AK4: variants seen among roughly 807,000 people sequenced by gnomAD.
AK4 encodes adenylate kinase 4.
A neutral mutation model predicts 24.6 loss-of-function variants in AK4; 13 were observed. The ratio of observed to expected loss-of-function variants is 0.53; its 90% CI spans 0.34 to 0.84. AK4 has a LOEUF of 0.84. Ranked by LOEUF, AK4 falls within the 40% of genes least tolerant of loss-of-function variation. The pLI is 0.01. For synonymous variants in AK4, 88 were observed against 107.0 expected (o/e 0.82, Z 1.10); for missense variants, 192 against 288.2 (o/e 0.67, Z 2.42).
intron 2 of AK4, among the ~76,000 whole-genome samples, chr1:65,195,306 G>A (rs948380601): frequency 6.6e-6 from 1 of 152,070 alleles, no homozygotes; most frequent in African/African-American, 2.4e-5. Flanking sequence ...CCTTTAAATT[G>A]GCAATTAAAT....
chr1:65,194,180 G>C (rs1425101006), intron 2 of AK4, among the ~76,000 whole-genome samples: 1 of 152,190 alleles, frequency 6.6e-6, no homozygotes, highest in Non-Finnish European at 1.5e-5. Context: ...TTGTCTCTTT[G>C]CTCTCACATT....
At chr1:65,207,158 G>A (rs545822861) in intron 2 of AK4, among the ~76,000 whole-genome samples, 11 of 152,258 alleles carry the variant, frequency 7.2e-5, no homozygotes, top group African/African-American at 2.4e-4. Flanking sequence ...AGTAGTGATT[G>A]TAGCATATCT....
At position 65,228,588 on chromosome 1, in the gene AK4, G is replaced by A. The variant is rs1240724692; in HGVS notation, c.*2411G>A. The A allele has an allele frequency of 6.6e-6, 1 of 151,984 alleles. No homozygotes were observed. The highest frequency in any genetic ancestry group is 2.1e-4 in the South Asian group (1 of 4,822). 9.4% of individuals were successfully genotyped at this position (151,984 alleles called of 1,614,324 possible). On this transcript the variant is annotated 3_prime_UTR_variant, in exon 5 of 5. Coordinates refer to ENST00000327299, the MANE Select transcript of AK4 (RefSeq NM_013410.4). ...CATAATGCTTATTTCGTGGTCAATG[G>A]CTTTAAAAAAATCTGTTTCTTGTTT... is the stretch of plus-strand genomic sequence containing the variant.
intron 1 of AK4, among the ~76,000 whole-genome samples, chr1:65,166,314 G>GTGTGTA (rs1455240090): frequency 1.0e-5 from 1 of 98,668 alleles, no homozygotes; most frequent in Non-Finnish European, 1.9e-5. Context: ...TTTAAGCTGT[G>GTGTGTA]TGTGTGTGTG....
Position 65,228,650 on chromosome 1 carries a change from T to C in AK4, c.*2473T>C, listed in dbSNP as rs1186522185. 2.6e-5 allele frequency: 4 copies of C among 152,336 alleles called. No homozygotes were observed. The South Asian group carries it at 6.2e-4, about 24-fold the overall frequency. The allele number at this position is 152,336 out of a possible 1,614,324, so 9.4% of individuals were successfully genotyped here. On this transcript the variant is annotated 3_prime_UTR_variant, in exon 5 of 5. Coordinates refer to ENST00000327299, the MANE Select transcript of AK4 (RefSeq NM_013410.4). ...CTCACTAGTTTTCCCTTAAATGATA[T>C]TGTAAAAATTAAAGTAATCTTGAAA...
At chr1:65,156,748 C>G (rs1484098238) in intron 1 of AK4, among the ~76,000 whole-genome samples, 1 of 151,440 alleles carries the variant, frequency 6.6e-6, no homozygotes, top group Non-Finnish European at 1.5e-5. Flanking sequence ...ATGGTGAAAC[C>G]CCGTCTCTAC....
chr1:65,218,306 G>A (rs1323558673), intron 2 of AK4, among the ~76,000 whole-genome samples: 2 of 152,200 alleles, frequency 1.3e-5, no homozygotes, highest in Non-Finnish European at 2.9e-5. Context: ...GGAAATGGAG[G>A]TGATGTAACT....
intron 2 of AK4, among the ~76,000 whole-genome samples, chr1:65,217,184 G>A (rs116010062): frequency 4.4e-4 from 67 of 152,300 alleles, no homozygotes; most frequent in African/African-American, 1.4e-3. Context: ...AAGCAGTGGC[G>A]TGGGTGGATT....
intron 3 of AK4, among the ~76,000 whole-genome samples, chr1:65,222,150 T>C (rs59590825): frequency 0.28 from 42,342 of 151,932 alleles, 6,751 homozygotes; most frequent in East Asian, 0.69. Flanking sequence ...TCAGGCATGA[T>C]GTTTACACAG....
intron 1 of AK4, among the ~76,000 whole-genome samples, chr1:65,186,115 T>A (rs539051066): frequency 3.5e-4 from 53 of 152,288 alleles, no homozygotes; most frequent in Admixed American, 1.8e-3. Flanking sequence ...ACATATTTTT[T>A]AAATTTTTAA....
intron 1 of AK4, among the ~76,000 whole-genome samples, chr1:65,151,505 T>C (rs1649770354): frequency 6.6e-6 from 1 of 152,148 alleles, no homozygotes; most frequent in Non-Finnish European, 1.5e-5. Context: ...TCTCCCAAAA[T>C]GTTGGGATTA....
chr1:65,152,313 G>GCTCTCT (rs1557434175), intron 1 of AK4, among the ~76,000 whole-genome samples: 2 of 62,910 alleles, frequency 3.2e-5, no homozygotes, highest in African/African-American at 1.3e-4. Flanking sequence ...TTCTGCACTT[G>GCTCTCT]CTATCTCTCT....
chr1:65,179,558 G>C (rs763887829), intron 1 of AK4, among the ~76,000 whole-genome samples: 119 of 152,180 alleles, frequency 7.8e-4, no homozygotes, highest in Non-Finnish European at 1.2e-3. Flanking sequence ...TCTAGAATCG[G>C]CCAGGTGTGG....
Position 65,224,860 on chromosome 1 carries a change from G to A in AK4, c.547G>A (p.Glu183Lys), listed in dbSNP as rs1353296336. 1 of 1,612,624 alleles carries A rather than the reference G, an allele frequency of 6.2e-7. No individual in the cohort carries two copies. ...QYKDVAKPVIELYKSRGVLHQ... is the reference protein window; with the variant it reads ...QYKDVAKPVIKLYKSRGVLHQ... ...CAAAGACGTGGCAAAGCCAGTCATT[G>A]AATTATACAAGTGAGTGTGCTTCAA... The change falls in exon 4 of 5, where the codon GAA becomes AAA. Residue 183 changes from glutamate to lysine, a missense_variant. Coordinates refer to ENST00000327299, the MANE Select transcript of AK4 (RefSeq NM_013410.4).
intron 2 of AK4, among the ~76,000 whole-genome samples, chr1:65,197,469 C>T (rs1415295271): frequency 3.3e-5 from 5 of 152,218 alleles, no homozygotes; most frequent in Non-Finnish European, 7.4e-5. Context: ...ACCTTTAGCA[C>T]GAGAGTCATC....
At position 65,206,360 on chromosome 1, in the gene AK4, C is replaced by G. The variant is rs1279002646; in HGVS notation, c.266-12394C>G. On this transcript the variant is annotated intron_variant, in intron 2 of 4. Coordinates refer to ENST00000327299, the MANE Select transcript of AK4 (RefSeq NM_013410.4). ...CTTTTCTGGGGATAAAAATATGGGCCTATGGTGAAATCATTTACAAATTTC... is the reference window on the plus strand; with the variant it reads ...CTTTTCTGGGGATAAAAATATGGGCGTATGGTGAAATCATTTACAAATTTC... Among the ~76,000 whole-genome samples, 6 of 152,282 alleles carry G rather than the reference C, an allele frequency of 3.9e-5. No homozygotes were observed. The South Asian group carries it at 1.0e-3, about 26-fold the overall frequency.
chr1:65,212,878 A>C (rs999742888), intron 2 of AK4, among the ~76,000 whole-genome samples: 2 of 152,224 alleles, frequency 1.3e-5, no homozygotes, highest in African/African-American at 4.8e-5. Context: ...TATCCACCTC[A>C]TAGGGTTAAT....
intron 2 of AK4, among the ~76,000 whole-genome samples, chr1:65,207,311 G>A (rs1651841523): frequency 6.6e-6 from 1 of 151,976 alleles, no homozygotes; most frequent in Non-Finnish European, 1.5e-5. Context: ...CAGTCCCTTG[G>A]GCACAAGAAG....
chr1:65,217,233 G>A (rs1652159008), intron 2 of AK4, among the ~76,000 whole-genome samples: 1 of 152,180 alleles, frequency 6.6e-6, no homozygotes. Flanking sequence ...AATCAGCTTG[G>A]CATTCACACA....
Sources: gnomAD v4.1 joint callset for allele counts (sites outside exome capture counted in the v4.1 genomes callset) on GRCh38, gnomAD v4.1.1 for gene constraint, MANE v1.5 for transcripts, NCBI Gene and HGNC (gene_info 2026-07-23, HGNC 2026-07-21) for gene names.